The following PDE3B variants were observed in gnomAD, a reference collection of about 807,000 sequenced individuals.
PDE3B encodes the protein cGMP-inhibited 3',5'-cyclic phosphodiesterase 3B.
A neutral mutation model predicts 116.8 loss-of-function variants in PDE3B; 66 were observed. That is an observed-to-expected ratio of 0.56 (90% CI 0.46 to 0.69). The LOEUF is 0.69. PDE3B is among the 30% of genes least tolerant of loss of function. PDE3B has a pLI of 0.00. For missense variants in PDE3B, 1,384 were observed against 1,368.1 expected (o/e 1.01, Z -0.18); for synonymous variants, 595 against 533.6 (o/e 1.12, Z -1.59).
chr11:14,757,544 T>G (rs976284037), intron 1 of PDE3B, among the ~76,000 whole-genome samples: 20 of 145,034 alleles, frequency 1.4e-4, no homozygotes, highest in East Asian at 2.0e-4. Flanking sequence ...TGCATTTCTC[T>G]GATGGCCAGT....
chr11:14,831,803 A>G (rs1002989479), intron 9 of PDE3B, 26 bp downstream of exon 9: 4 of 1,545,176 alleles, frequency 2.6e-6, no homozygotes, highest in Non-Finnish European at 3.5e-6. Context: ...TCTACTTTTT[A>G]ACTGTAAATT....
intron 1 of PDE3B, among the ~76,000 whole-genome samples, chr11:14,665,838 G>C (rs546813847): frequency 6.6e-6 from 1 of 152,064 alleles, no homozygotes; most frequent in Admixed American, 6.5e-5. Flanking sequence ...AATCAATATC[G>C]TGAAAATGGC....
intron 1 of PDE3B, among the ~76,000 whole-genome samples, chr11:14,665,137 C>G (rs1174167888): frequency 6.6e-6 from 1 of 152,144 alleles, no homozygotes; most frequent in Non-Finnish European, 1.5e-5. Flanking sequence ...AAATGTAATC[C>G]AGCATATAAA....
rs1158645096 is a variant in PDE3B, at chr11:14,652,525, T to C, written c.978+7472T>C. On this transcript the variant is annotated intron_variant, in intron 1 of 15. Transcript: ENST00000282096. The stretch of plus-strand genomic sequence containing the variant: ...TTTCTGTTTCTGCAAAAAATGTCAT[T>C]GGGGTTTATTTTTTATTGTGGTAAA... Among the ~76,000 whole-genome samples the C allele has an allele frequency of 2.0e-5, 3 of 152,310 alleles. No individual in the cohort carries two copies. The East Asian group carries it at 5.8e-4, about 29-fold the overall frequency.
chr11:14,742,951 G>A (rs1203309570), intron 1 of PDE3B, among the ~76,000 whole-genome samples: 1 of 152,142 alleles, frequency 6.6e-6, no homozygotes, highest in Non-Finnish European at 1.5e-5. Flanking sequence ...TTGTCCCAGA[G>A]GGGCTCTCAC....
rs189952137 is a variant in PDE3B, at chr11:14,843,113, A to T, written c.2321-714A>T. Among the ~76,000 whole-genome samples, 197 of 152,352 alleles carry T rather than the reference A, an allele frequency of 1.3e-3. 1 individual carries two copies. The highest frequency in any genetic ancestry group is 7.7e-4 in the East Asian group (4 of 5,192). On this transcript the variant is annotated intron_variant, in intron 11 of 15. Coordinates refer to ENST00000282096, the MANE Select transcript of PDE3B (RefSeq NM_000922.4). ...AATAATAGAATGATCATCTAGATAGATAAAGCCACCAAAAAAGAAGAAATC... is the reference window on the plus strand; with the variant it reads ...AATAATAGAATGATCATCTAGATAGTTAAAGCCACCAAAAAAGAAGAAATC...
At chr11:14,716,177 G>T (rs1400449479) in intron 1 of PDE3B, among the ~76,000 whole-genome samples, 5 of 152,138 alleles carry the variant, frequency 3.3e-5, no homozygotes, top group African/African-American at 1.2e-4. Flanking sequence ...CTGGAAAATC[G>T]GGTCACTCCC....
intron 1 of PDE3B, among the ~76,000 whole-genome samples, chr11:14,768,851 C>A (rs1309725481): frequency 1.3e-5 from 2 of 151,586 alleles, no homozygotes; most frequent in African/African-American, 2.4e-5. Flanking sequence ...ATGGACCACA[C>A]TTTGAATACT....
intron 3 of PDE3B, 172 bp from the exon 4 acceptor site, chr11:14,788,929 CAAAAT>C: frequency 2.3e-6 from 1 of 435,320 alleles, no homozygotes; most frequent in Non-Finnish European, 4.0e-6. Flanking sequence ...AATAGAATAA[CAAAAT>C]AGAGTGTGAA....
At chr11:14,645,810 G>T (rs1306604269) in intron 1 of PDE3B, among the ~76,000 whole-genome samples, 1 of 151,734 alleles carries the variant, frequency 6.6e-6, no homozygotes, top group East Asian at 1.9e-4. Flanking sequence ...ATTAGCAAAT[G>T]AGTTTACATC....
At position 14,758,695 on chromosome 11, in the gene PDE3B, A is replaced by G. The variant is rs1186457509; in HGVS notation, c.979-13242A>G. 7.4e-4 allele frequency among the ~76,000 whole-genome samples: 112 copies of G among 150,554 alleles called. 2 individuals are homozygous for G. Among genetic ancestry groups the G allele is most frequent in the African/African-American group, 2.1e-3 (84 of 40,450 alleles). ...GCTGAAGTTGCTTATCAGCTTAAGGAGATTTTGGGCTGAGACGATGGGGTT... is the reference window on the plus strand; with the variant it reads ...GCTGAAGTTGCTTATCAGCTTAAGGGGATTTTGGGCTGAGACGATGGGGTT... On this transcript the variant is annotated intron_variant, in intron 1 of 15. Transcript: ENST00000282096.
intron 7 of PDE3B, among the ~76,000 whole-genome samples, chr11:14,822,733 C>G (rs2133954113): frequency 1.3e-5 from 2 of 152,330 alleles, no homozygotes; most frequent in Middle Eastern, 3.4e-3. Context: ...GCAGCTGCAA[C>G]TTGGCAAAGT....
chr11:14,810,428 TG>T (rs2133941652), intron 5 of PDE3B, among the ~76,000 whole-genome samples: 1 of 151,798 alleles, frequency 6.6e-6, no homozygotes, highest in South Asian at 2.1e-4. Flanking sequence ...TTTGGTTTTT[TG>T]TTCTTGCGAT....
At chr11:14,789,752 C>G (rs1858326217) in intron 4 of PDE3B, among the ~76,000 whole-genome samples, 1 of 151,934 alleles carries the variant, frequency 6.6e-6, no homozygotes, top group African/African-American at 2.4e-5. Context: ...TTACTTGGAA[C>G]TGAACAATGC....
At chr11:14,881,109 T>C in the PDE3B span, among the ~76,000 whole-genome samples, 1 of 152,098 alleles carries the variant, frequency 6.6e-6, no homozygotes, top group Admixed American at 6.6e-5. Context: ...AATGACCACA[T>C]GTTCAATGGA....
At chr11:14,657,202 A>T (rs1565075742) in intron 1 of PDE3B, among the ~76,000 whole-genome samples, 1 of 152,184 alleles carries the variant, frequency 6.6e-6, no homozygotes, top group Non-Finnish European at 1.5e-5. Context: ...AGTCAAACAA[A>T]TGTCTTTACC....
In PDE3B at chr11:14,843,884, C is replaced by G. The variant is rs973782883; in HGVS notation, c.2378C>G (p.Ser793Cys). Residue 793 changes from serine to cysteine, a missense_variant, in exon 12 of 16, where the codon TCT (serine) becomes TGT (cysteine). This residue lies in a region of PDE3B where 428 missense variants were observed against 561.4 expected (regional missense o/e 0.76). Transcript: ENST00000282096. ...GCTTATATTTCTTCGAAGAGCTGCT[C>G]TAATCCTGATGAGAGTTATGGCTGC... ...RIAYISSKSC[S>C]NPDESYGCLS... 12 of 1,614,006 alleles carry G rather than the reference C, an allele frequency of 7.4e-6. No homozygotes were observed. Among genetic ancestry groups the G allele is most frequent in the Non-Finnish European group, 9.3e-6 (11 of 1,179,994 alleles).
At chr11:14,726,178 C>T (rs1856300963) in intron 1 of PDE3B, among the ~76,000 whole-genome samples, 1 of 152,168 alleles carries the variant, frequency 6.6e-6, no homozygotes, top group South Asian at 2.1e-4. Flanking sequence ...AGAGGTTTTC[C>T]CTGACCACCC....
chr11:14,817,084 A>T (rs912839752), intron 5 of PDE3B, among the ~76,000 whole-genome samples: 18 of 152,220 alleles, frequency 1.2e-4, no homozygotes. Context: ...TGGCACATAC[A>T]CACCATGGAA....
Sources: gnomAD v4.1 joint callset for allele counts (sites outside exome capture counted in the v4.1 genomes callset) on GRCh38, gnomAD v4.1.1 for gene constraint, gnomAD v4.1.1 regional missense constraint, MANE v1.5 for transcripts, NCBI Gene and HGNC (gene_info 2026-07-23, HGNC 2026-07-21) for gene names.